Variants in MMP26 observed in about 807,000 individuals in gnomAD.
MMP26 encodes matrix metalloproteinase-26.
Under a neutral mutation model 31.0 loss-of-function variants are expected in MMP26, and 33 were observed. The ratio of observed to expected loss-of-function variants is 1.06; its 90% CI spans 0.81 to 1.42. The LOEUF is 1.42. Ranked by LOEUF, MMP26 falls within the 40% of genes most tolerant of loss-of-function variation. The pLI, the probability that MMP26 is intolerant of heterozygous loss-of-function variation, is 0.00. For synonymous variants in MMP26, 122 were observed against 114.9 expected, an observed-to-expected ratio of 1.06 and a Z score of -0.40; for missense variants, 347 against 316.1, an observed-to-expected ratio of 1.10 and a Z score of -0.74.
At chr11:4,933,472 AAGAAAGAC>A (rs2133592748) in intron 2 of MMP26, among the ~76,000 whole-genome samples, 1 of 107,244 alleles carries the variant, frequency 9.3e-6, no homozygotes, top group East Asian at 4.7e-4. Flanking sequence ...TAAAATGATT[AAGAAAGAC>A]AGAAAGATTG....
chr11:4,810,257 C>T (rs11034003), intron 2 of MMP26, among the ~76,000 whole-genome samples: 62,811 of 151,510 alleles, frequency 0.41, 14,289 homozygotes, highest in South Asian at 0.57. Context: ...AGTCGGAGTA[C>T]ATATATTTAT....
At chr11:4,781,279 G>A (rs1256764099) in intron 2 of MMP26, among the ~76,000 whole-genome samples, 3 of 152,114 alleles carry the variant, frequency 2.0e-5, no homozygotes, top group Non-Finnish European at 4.4e-5. Context: ...TTTTATCTCA[G>A]CAAACCTGCC....
chr11:4,926,666 A>G (rs897968514), intron 2 of MMP26, among the ~76,000 whole-genome samples: 1 of 152,180 alleles, frequency 6.6e-6, no homozygotes, highest in Middle Eastern at 3.2e-3. Context: ...AGAGGTTGCA[A>G]TCATAGTATT....
rs17328143 is a variant in MMP26, at chr11:4,822,654, A to T, written c.-145+55313A>T. ...CATAAAGTATTAATTCAGGCTCTGT[A>T]TACAATTATAAAAGTTCACATTTAA... On this transcript the variant is annotated intron_variant, in intron 2 of 7. Transcript: ENST00000380390. Among the ~76,000 whole-genome samples, 4 of 152,300 alleles carry T rather than the reference A, an allele frequency of 2.6e-5. No individual in the cohort carries two copies. The East Asian group carries it at 5.8e-4, about 22-fold the overall frequency.
intron 2 of MMP26, among the ~76,000 whole-genome samples, chr11:4,825,382 T>C (rs1849565887): frequency 6.6e-6 from 1 of 152,108 alleles, no homozygotes; most frequent in African/African-American, 2.4e-5. Context: ...CTCTGCCACC[T>C]TTTTAGTGAA....
At position 4,967,932 on chromosome 11, in the gene MMP26, T is replaced by A. The variant is rs150163451; in HGVS notation, c.-144-20136T>A. Among the ~76,000 whole-genome samples the A allele has an allele frequency of 2.4e-3, 372 of 152,268 alleles. 1 individual carries two copies. The highest frequency in any genetic ancestry group is 8.7e-3 in the African/African-American group (360 of 41,582). ...TGCTTGAGAGAAAAGGGAAAGGGGA[T>A]TCTTTTATTCAGAAAATAGGACATT... On this transcript the variant is annotated intron_variant, in intron 2 of 7. Transcript: ENST00000380390.
intron 2 of MMP26, among the ~76,000 whole-genome samples, chr11:4,905,215 T>C (rs1344723749): frequency 6.6e-6 from 1 of 152,128 alleles, no homozygotes; most frequent in East Asian, 1.9e-4. Context: ...TCTCACAATC[T>C]GCTACCGTCT....
intron 2 of MMP26, among the ~76,000 whole-genome samples, chr11:4,926,321 T>C (rs1233724042): frequency 6.6e-6 from 1 of 151,990 alleles, no homozygotes; most frequent in Non-Finnish European, 1.5e-5. Context: ...AAGGAAAAAG[T>C]AGATATCAAA....
At position 4,947,685 on chromosome 11, in the gene MMP26, C is replaced by G. The variant is rs981757590; in HGVS notation, c.-144-40383C>G. ...TTGTCTTATTCTTTCTACCTAACCA[C>G]TGGCTCTGGGATTACTGAGTTCTCT... On this transcript the variant is annotated intron_variant, in intron 2 of 7. Transcript: ENST00000380390. 3 of 125,834 alleles carry G rather than the reference C, an allele frequency of 2.4e-5. 1 individual carries two copies. The highest frequency in any genetic ancestry group is 5.4e-5 in the Non-Finnish European group (3 of 55,584). 7.8% of individuals were successfully genotyped at this position (125,834 alleles called of 1,614,324 possible). A position where few individuals can be genotyped will look rare whatever the true frequency, so the allele number is the denominator to read the frequency against.
At chr11:4,745,331 G>A (rs1374613135) in intron 1 of MMP26, among the ~76,000 whole-genome samples, 1 of 152,192 alleles carries the variant, frequency 6.6e-6, no homozygotes, top group Admixed American at 6.5e-5. Flanking sequence ...GACTGGCTGA[G>A]TATCAGGTAT....
At position 4,900,992 on chromosome 11, in the gene MMP26, A is replaced by G. The variant is rs180983173; in HGVS notation, c.-144-87076A>G. Reference sequence around the variant, plus strand: ...CACATCTACAGTTCATTTTTGGCATACCAACTTTACTCATTTATGAACTAA... The same window carrying G: ...CACATCTACAGTTCATTTTTGGCATGCCAACTTTACTCATTTATGAACTAA... On this transcript the variant is annotated intron_variant, in intron 2 of 7. Transcript: ENST00000380390. Among the ~76,000 whole-genome samples, 100 of 152,178 alleles carry G rather than the reference A, an allele frequency of 6.6e-4. 1 individual carries two copies. The South Asian group carries it at 0.012, about 19-fold the overall frequency.
At chr11:4,990,225 G>A (rs1299617797) in intron 4 of MMP26, among the ~76,000 whole-genome samples, 2 of 152,112 alleles carry the variant, frequency 1.3e-5, no homozygotes, top group Non-Finnish European at 2.9e-5. Flanking sequence ...TCTAAAGCAA[G>A]CAGTACTAAA....
chr11:4,782,044 C>A (rs989056616), intron 2 of MMP26, among the ~76,000 whole-genome samples: 1 of 152,146 alleles, frequency 6.6e-6, no homozygotes, highest in African/African-American at 2.4e-5. Context: ...TCTTTATCAG[C>A]AGCATGACAA....
intron 1 of MMP26, among the ~76,000 whole-genome samples, chr11:4,737,947 G>A (rs1372049040): frequency 2.6e-5 from 4 of 152,216 alleles, no homozygotes; most frequent in Non-Finnish European, 5.9e-5. Flanking sequence ...TTCCTGAGTG[G>A]CTAGGACTAC....
intron 2 of MMP26, among the ~76,000 whole-genome samples, chr11:4,865,967 C>T (rs1391503484): frequency 6.6e-6 from 1 of 151,970 alleles, no homozygotes; most frequent in African/African-American, 2.4e-5. Flanking sequence ...AGCTTTCTGG[C>T]ATGAGAAAAC....
At chr11:4,896,119 A>G (rs1564802296) in intron 2 of MMP26, among the ~76,000 whole-genome samples, 1 of 152,018 alleles carries the variant, frequency 6.6e-6, no homozygotes, top group Non-Finnish European at 1.5e-5. Flanking sequence ...AGCCACCCTC[A>G]TTTATGTTCC....
intron 1 of MMP26, among the ~76,000 whole-genome samples, chr11:4,738,690 C>T (rs1176460419): frequency 6.6e-6 from 1 of 152,006 alleles, no homozygotes; most frequent in African/African-American, 2.4e-5. Context: ...GCCTTTTGTC[C>T]TGGGAATAAG....
chr11:4,883,880 A>G (rs1011913323), intron 2 of MMP26, among the ~76,000 whole-genome samples: 1 of 152,100 alleles, frequency 6.6e-6, no homozygotes. Flanking sequence ...TGATAATTTC[A>G]TCCTACCTAG....
intron 2 of MMP26, chr11:4,913,976 A>AGTGATTGT (rs1459088706): frequency 2.6e-5 from 4 of 152,230 alleles, no homozygotes; most frequent in African/African-American, 9.6e-5. Flanking sequence ...TGAAGAATAC[A>AGTGATTGT]ATTAACATGT....
Sources: allele counts gnomAD v4.1 joint callset (sites outside exome capture counted in the v4.1 genomes callset), GRCh38; gene constraint gnomAD v4.1.1; transcripts MANE v1.5; gene names NCBI Gene and HGNC (gene_info 2026-07-23, HGNC 2026-07-21).